Variants in SLC7A6 observed in about 807,000 individuals in gnomAD.
SLC7A6 encodes the protein solute carrier family 7 member 6, also known as Y+L amino acid transporter 2.
Under a neutral mutation model 46.6 loss-of-function variants are expected in SLC7A6, and 29 were observed. The ratio of observed to expected loss-of-function variants is 0.62; its 90% CI spans 0.46 to 0.85. The LOEUF (loss-of-function observed/expected upper bound fraction) is 0.85. SLC7A6 is among the 40% of genes least tolerant of loss of function. The pLI is 0.00. For missense variants in SLC7A6, 527 were observed against 647.6 expected (o/e 0.81, Z 2.02); for synonymous variants, 276 against 257.3 (o/e 1.07, Z -0.70).
chr16:68,270,799 T>C (rs1403488733), intron 2 of SLC7A6, among the ~76,000 whole-genome samples: 2 of 151,680 alleles, frequency 1.3e-5, no homozygotes, highest in Non-Finnish European at 2.9e-5. Context: ...GTCACTGGAG[T>C]GGGAATGTGC....
intron 3 of SLC7A6, among the ~76,000 whole-genome samples, chr16:68,280,216 C>T (rs986400002): frequency 3.3e-5 from 5 of 152,088 alleles, no homozygotes; most frequent in African/African-American, 7.2e-5. Flanking sequence ...GGTAAGACTT[C>T]GGTAGGATAG....
At position 68,299,115 on chromosome 16, in the gene SLC7A6, C is replaced by T. The variant is rs1052192298; in HGVS notation, c.*1787C>T. On this transcript the variant is annotated 3_prime_UTR_variant, in exon 11 of 11. Transcript: ENST00000219343. The stretch of plus-strand genomic sequence containing the variant: ...TTTGTAACGGCAAATTCCTGCCCGA[C>T]GACAGGGTGTCTTATGCAAAGGCTG... The T allele has an allele frequency of 1.3e-5, 2 of 152,652 alleles. No homozygotes were observed. Among genetic ancestry groups the T allele is most frequent in the East Asian group, 1.9e-4 (1 of 5,206 alleles). 9.5% of individuals were successfully genotyped at this position (152,652 alleles called of 1,614,324 possible).
In SLC7A6 at chr16:68,300,613, T is replaced by C; in HGVS notation, c.*3285T>C. 1 of 985,148 alleles carries C rather than the reference T, an allele frequency of 1.0e-6. No homozygotes were observed. The allele number at this position is 985,148 out of a possible 1,614,324, so 61.0% of individuals were successfully genotyped here. On this transcript the variant is annotated 3_prime_UTR_variant, in exon 11 of 11. Transcript: ENST00000219343. ...TTAAAAGGTTTTCAAAGAATTACTTTCTTCCATGTTCAAAGCTAGATTTTA... is the reference window on the plus strand; with the variant it reads ...TTAAAAGGTTTTCAAAGAATTACTTCCTTCCATGTTCAAAGCTAGATTTTA...
chr16:68,283,274 A>T (rs1170835520), intron 3 of SLC7A6, among the ~76,000 whole-genome samples: 1 of 152,164 alleles, frequency 6.6e-6, no homozygotes, highest in African/African-American at 2.4e-5. Flanking sequence ...GGTTTGGATG[A>T]CTTCAGTTCT....
intron 2 of SLC7A6, among the ~76,000 whole-genome samples, chr16:68,274,069 T>G (rs1271500724): frequency 6.6e-6 from 1 of 152,152 alleles, no homozygotes; most frequent in Admixed American, 6.5e-5. Context: ...CAGGTGTGTA[T>G]TTTAATGAGG....
Position 68,300,580 on chromosome 16 carries a change from A to G in SLC7A6, c.*3252A>G, listed in dbSNP as rs1180407587. The G allele has an allele frequency of 1.0e-6, 1 of 969,800 alleles. No homozygotes were observed. Among genetic ancestry groups the G allele is most frequent in the African/African-American group, 1.8e-5 (1 of 56,922 alleles). 60.1% of individuals were successfully genotyped at this position (969,800 alleles called of 1,614,324 possible). A position where few individuals can be genotyped will look rare whatever the true frequency, so the allele number is the denominator to read the frequency against. Reference sequence around the variant, plus strand: ...TTCACTACCGCTCCCTGTTTTAGATATTCAGATTTAAAAGGTTTTCAAAGA... The same window carrying G: ...TTCACTACCGCTCCCTGTTTTAGATGTTCAGATTTAAAAGGTTTTCAAAGA... On this transcript the variant is annotated 3_prime_UTR_variant, in exon 11 of 11. Coordinates refer to ENST00000219343, the MANE Select transcript of SLC7A6 (RefSeq NM_003983.6).
At position 68,287,795 on chromosome 16, in the gene SLC7A6, G is replaced by C; in HGVS notation, c.573G>C (p.Val191=). ...CCTATGTCAAGTGGGGCACACGTGT[G>C]CAGGACACGTTCACTTACGCCAAGG... ...NCAYVKWGTR[V]QDTFTYAKVV... is the part of the protein sequence containing the mutation. Residue 191 remains valine, a synonymous_variant, in exon 4 of 11, where the codon GTG becomes GTC. Transcript: ENST00000219343. 1.9e-6 allele frequency: 3 copies of C among 1,614,242 alleles called. No homozygotes were observed. Among genetic ancestry groups the C allele is most frequent in the Non-Finnish European group, 2.5e-6 (3 of 1,180,034 alleles).
At chr16:68,266,177 T>G (rs1461011481) in intron 1 of SLC7A6, among the ~76,000 whole-genome samples, 1 of 152,074 alleles carries the variant, frequency 6.6e-6, no homozygotes, top group Non-Finnish European at 1.5e-5. Context: ...GGAGAATGGC[T>G]TGAACCCGGG....
In SLC7A6 at chr16:68,294,460, G is replaced by A. The variant is rs774914854; in HGVS notation, c.1023-245G>A. Among the ~76,000 whole-genome samples the A allele has an allele frequency of 3.2e-4, 48 of 152,096 alleles. 1 individual carries two copies. Among genetic ancestry groups the A allele is most frequent in the Admixed American group, 3.1e-3 (48 of 15,256 alleles). The stretch of plus-strand genomic sequence containing the variant: ...GTGGCTGAGAGAAGAGGGGGTATCT[G>A]GGTGATGGTGGGTGGGGCATCTGGG... On this transcript the variant is annotated intron_variant, in intron 7 of 10. Transcript: ENST00000219343.
chr16:68,270,450 C>T (rs559697381), intron 2 of SLC7A6, among the ~76,000 whole-genome samples: 1 of 152,100 alleles, frequency 6.6e-6, no homozygotes, highest in African/African-American at 2.4e-5. Flanking sequence ...ATAGGTTGGC[C>T]TTTGTATTTT....
chr16:68,296,064 T>C (rs60197993), intron 8 of SLC7A6, among the ~76,000 whole-genome samples: 9,256 of 152,022 alleles, frequency 0.061, 368 homozygotes, highest in Middle Eastern at 0.15. Flanking sequence ...CATGTTAAGG[T>C]TGCTGCACTG....
At position 68,300,920 on chromosome 16, in the gene SLC7A6, T is replaced by C. The variant is rs1027632997; in HGVS notation, c.*3592T>C. 2 of 1,000,186 alleles carry C rather than the reference T, an allele frequency of 2.0e-6. No homozygotes were observed. The highest frequency in any genetic ancestry group is 3.5e-5 in the African/African-American group (2 of 57,750). The allele number at this position is 1,000,186 out of a possible 1,614,324, so 62.0% of individuals were successfully genotyped here. Reference sequence around the variant, plus strand: ...TGGCACAGCAGAAGCTTACTGCTAATGAAATGGGAACCTCCCCCTCCCTTG... The same window carrying C: ...TGGCACAGCAGAAGCTTACTGCTAACGAAATGGGAACCTCCCCCTCCCTTG... On this transcript the variant is annotated 3_prime_UTR_variant, in exon 11 of 11. Transcript: ENST00000219343.
Position 68,300,900 on chromosome 16 carries a change from C to T in SLC7A6, c.*3572C>T, listed in dbSNP as rs538417133. The T allele has an allele frequency of 7.8e-5, 78 of 994,544 alleles. No individual in the cohort carries two copies. In the African/African-American group the frequency reaches 1.3e-3, roughly 16 times the overall value. The allele number at this position is 994,544 out of a possible 1,614,324, so 61.6% of individuals were successfully genotyped here. A position where few individuals can be genotyped will look rare whatever the true frequency, so the allele number is the denominator to read the frequency against. On this transcript the variant is annotated 3_prime_UTR_variant, in exon 11 of 11. Transcript: ENST00000219343. Reference sequence around the variant, plus strand: ...AGGCAGGCAGCCTGGTGGTATGGCACAGCAGAAGCTTACTGCTAATGAAAT... The same window carrying T: ...AGGCAGGCAGCCTGGTGGTATGGCATAGCAGAAGCTTACTGCTAATGAAAT...
chr16:68,294,247 C>T (rs1270764803), intron 7 of SLC7A6, among the ~76,000 whole-genome samples: 1 of 152,162 alleles, frequency 6.6e-6, no homozygotes, highest in African/African-American at 2.4e-5. Flanking sequence ...AGAAAGGAAG[C>T]CTGGGTTGTC....
chr16:68,290,292 C>T (rs2043021317), intron 4 of SLC7A6, 104 bp from the exon 5 acceptor site: 13 of 1,223,764 alleles, frequency 1.1e-5, no homozygotes, highest in African/African-American at 1.5e-5. Context: ...TTCCTCTTTC[C>T]TATTCTCCTT....
At chr16:68,287,511 G>A in intron 3 of SLC7A6, 8 of 1,415,054 alleles carry the variant, frequency 5.7e-6, no homozygotes, top group Non-Finnish European at 7.5e-6. Flanking sequence ...GTATAAGTAT[G>A]TGTTCACGCA....
chr16:68,272,401 C>G (rs1320936644), intron 2 of SLC7A6, among the ~76,000 whole-genome samples: 3 of 152,112 alleles, frequency 2.0e-5, no homozygotes, highest in African/African-American at 7.2e-5. Context: ...TGCACTCCAG[C>G]CTGGGTGACA....
At chr16:68,290,307 A>T (rs55856208) in intron 4 of SLC7A6, 89 bp from the exon 5 acceptor site, 166,783 of 1,331,514 alleles carry the variant, frequency 0.13, 10,942 homozygotes, top group African/African-American at 0.18. Flanking sequence ...CTCCTTTCGT[A>T]TCTTTCTCTT....
intron 2 of SLC7A6, among the ~76,000 whole-genome samples, chr16:68,271,054 T>C (rs2042616115): frequency 6.6e-6 from 1 of 152,198 alleles, no homozygotes; most frequent in Admixed American, 6.5e-5. Flanking sequence ...CTTGCTGTGT[T>C]GTCCAGGCTG....
Sources: allele counts gnomAD v4.1 joint callset (sites outside exome capture counted in the v4.1 genomes callset), GRCh38; gene constraint gnomAD v4.1.1; transcripts MANE v1.5; gene names NCBI Gene and HGNC (gene_info 2026-07-23, HGNC 2026-07-21).